ARHGAP15: variants seen among roughly 807,000 people sequenced by gnomAD.
ARHGAP15 encodes the protein rho GTPase-activating protein 15.
Under a neutral mutation model 63.7 loss-of-function variants are expected in ARHGAP15, and 51 were observed. That is an observed-to-expected ratio of 0.80 (90% CI 0.64 to 1.01). ARHGAP15 has a LOEUF of 1.01. ARHGAP15 is among the 50% of genes least tolerant of loss of function. ARHGAP15 has a pLI of 0.00. For missense variants in ARHGAP15, 560 were observed against 564.6 expected (o/e 0.99, Z 0.08); for synonymous variants, 191 against 193.8 (o/e 0.99, Z 0.12).
intron 11 of ARHGAP15, among the ~76,000 whole-genome samples, chr2:143,578,552 C>T (rs991171872): frequency 1.3e-5 from 2 of 152,012 alleles, no homozygotes; most frequent in African/African-American, 2.4e-5. Context: ...CAATGGCGCT[C>T]TATACATTTT....
intron 6 of ARHGAP15, among the ~76,000 whole-genome samples, chr2:143,318,743 C>T (rs566474956): frequency 7.4e-4 from 113 of 152,124 alleles, no homozygotes; most frequent in African/African-American, 2.4e-3. Context: ...TAAGTTAAGT[C>T]TCAGTCTCTA....
chr2:143,282,483 GT>G (rs1681898886), intron 6 of ARHGAP15, among the ~76,000 whole-genome samples: 1 of 152,026 alleles, frequency 6.6e-6, no homozygotes. Flanking sequence ...GAGAACTTGT[GT>G]CAGGGAACTC....
At chr2:143,459,813 T>C (rs2105155518) in intron 8 of ARHGAP15, among the ~76,000 whole-genome samples, 1 of 152,276 alleles carries the variant, frequency 6.6e-6, no homozygotes, top group African/African-American at 2.4e-5. Context: ...CCTATGATGG[T>C]ATATATGTAA....
rs1044581987 is a variant in ARHGAP15, at chr2:143,330,122, A to T, written c.474+79522A>T. On this transcript the variant is annotated intron_variant, in intron 6 of 13. Transcript: ENST00000295095. ...AAAAAAAAAAAAAAAAAAAAAAAAA[A>T]AAAAAAAAACCAAAAACAAAAAACT... Among the ~76,000 whole-genome samples, 18 of 81,428 alleles carry T rather than the reference A, an allele frequency of 2.2e-4. 1 individual carries two copies. Among genetic ancestry groups the T allele is most frequent in the African/African-American group, 7.2e-4 (17 of 23,454 alleles). 53.4% of individuals were successfully genotyped at this position (81,428 alleles called of 152,430 possible).
intron 13 of ARHGAP15, among the ~76,000 whole-genome samples, chr2:143,710,287 C>G (rs951292376): frequency 2.6e-5 from 4 of 152,064 alleles, no homozygotes; most frequent in Non-Finnish European, 4.4e-5. Flanking sequence ...TAATGTACTT[C>G]CTATGGGCCT....
intron 6 of ARHGAP15, among the ~76,000 whole-genome samples, chr2:143,400,241 T>C (rs894531407): frequency 7.9e-5 from 12 of 152,214 alleles, no homozygotes; most frequent in African/African-American, 2.2e-4. Context: ...GATTTTATCA[T>C]ATTTTAAGGA....
intron 6 of ARHGAP15, among the ~76,000 whole-genome samples, chr2:143,408,145 G>C (rs191517213): frequency 2.0e-5 from 3 of 148,390 alleles, no homozygotes; most frequent in Admixed American, 2.0e-4. Flanking sequence ...GTATAGAAAG[G>C]GTTGATTTCA....
rs571394448 is a variant in ARHGAP15, at chr2:143,456,127, G to A, written c.703+19085G>A. The stretch of plus-strand genomic sequence containing the variant: ...CCTGACGCTGCCAGAACCTACATTT[G>A]GCTTATGCAAAATTTCCTCAAAGAC... On this transcript the variant is annotated intron_variant, in intron 8 of 13. Transcript: ENST00000295095. Among the ~76,000 whole-genome samples the A allele has an allele frequency of 3.3e-5, 5 of 152,090 alleles. No individual in the cohort carries two copies. The East Asian group carries it at 9.6e-4, about 29-fold the overall frequency.
intron 2 of ARHGAP15, among the ~76,000 whole-genome samples, chr2:143,189,588 A>G (rs781681025): frequency 3.6e-4 from 55 of 151,384 alleles, no homozygotes; most frequent in Non-Finnish European, 2.4e-4. Flanking sequence ...CAGCCTCCCA[A>G]ATAGCTGGGA....
At chr2:143,556,927 A>G (rs972629321) in intron 11 of ARHGAP15, among the ~76,000 whole-genome samples, 1 of 152,092 alleles carries the variant, frequency 6.6e-6, no homozygotes, top group Non-Finnish European at 1.5e-5. Flanking sequence ...TATGCCATCA[A>G]AGAGTTGTAA....
chr2:143,187,286 C>T (rs1470641828), intron 2 of ARHGAP15, among the ~76,000 whole-genome samples: 1 of 152,156 alleles, frequency 6.6e-6, no homozygotes, highest in East Asian at 1.9e-4. Flanking sequence ...TAGAGAAGGG[C>T]TAGAGTCCCC....
intron 6 of ARHGAP15, among the ~76,000 whole-genome samples, chr2:143,271,636 C>CA (rs1268071957): frequency 6.6e-6 from 1 of 152,180 alleles, no homozygotes; most frequent in Non-Finnish European, 1.5e-5. Flanking sequence ...CCACCTCGCC[C>CA]GGCTAATTTT....
In ARHGAP15 at chr2:143,703,539, T is replaced by C. The variant is rs1437151748; in HGVS notation, c.1244+15T>C. On this transcript the variant is annotated intron_variant, in intron 13 of 13. Coordinates refer to ENST00000295095, the MANE Select transcript of ARHGAP15 (RefSeq NM_018460.4). ...CATCTAACTAAGTAAGTTGTAAGGA[T>C]TTCTGGATGTGTCATTTTATAGTCA... 1.9e-6 allele frequency: 3 copies of C among 1,568,644 alleles called. No individual in the cohort carries two copies. Among genetic ancestry groups the C allele is most frequent in the Non-Finnish European group, 2.6e-6 (3 of 1,151,162 alleles).
chr2:143,398,570 G>A (rs943976017), intron 6 of ARHGAP15, among the ~76,000 whole-genome samples: 3 of 152,128 alleles, frequency 2.0e-5, no homozygotes, highest in East Asian at 1.9e-4. Flanking sequence ...AAGAGTTGCC[G>A]AATGATCCTG....
At chr2:143,539,638 C>T (rs988765233) in intron 10 of ARHGAP15, among the ~76,000 whole-genome samples, 8 of 152,076 alleles carry the variant, frequency 5.3e-5, no homozygotes, top group Admixed American at 1.3e-4. Context: ...TCATTAGGTA[C>T]CCAGTAGTCA....
intron 5 of ARHGAP15, among the ~76,000 whole-genome samples, chr2:143,240,377 GA>G (rs1283849995): frequency 2.0e-5 from 3 of 152,050 alleles, no homozygotes; most frequent in Admixed American, 1.3e-4. Context: ...GCAAAAAGAT[GA>G]AAATAGTTTC....
rs1692672478 is a variant in ARHGAP15, at chr2:143,214,404, A to G, written c.235-1980A>G. ...ATCTTTCTTCCAAACATTTGTGGAT[A>G]CCAGTGATACACAGAGTTAAACACT... On this transcript the variant is annotated intron_variant, in intron 3 of 13. Transcript: ENST00000295095. Among the ~76,000 whole-genome samples, 3 of 152,358 alleles carry G rather than the reference A, an allele frequency of 2.0e-5. No individual in the cohort carries two copies. The South Asian group carries it at 6.2e-4, about 32-fold the overall frequency.
chr2:143,737,298 T>C (rs779569910), intron 13 of ARHGAP15, among the ~76,000 whole-genome samples: 12 of 152,252 alleles, frequency 7.9e-5, no homozygotes, highest in Non-Finnish European at 1.8e-4. Context: ...TAAAACTTTG[T>C]CTCACATTTG....
chr2:143,546,429 T>C (rs937710583), intron 10 of ARHGAP15, among the ~76,000 whole-genome samples: 1 of 152,118 alleles, frequency 6.6e-6, no homozygotes, highest in Non-Finnish European at 1.5e-5. Context: ...GTTTCTTTAA[T>C]TTATGAAATA....
Sources: allele counts gnomAD v4.1 joint callset (sites outside exome capture counted in the v4.1 genomes callset), GRCh38; gene constraint gnomAD v4.1.1; transcripts MANE v1.5; gene names NCBI Gene and HGNC (gene_info 2026-07-23, HGNC 2026-07-21).